RASAL2: variants seen among roughly 807,000 people sequenced by gnomAD.
RASAL2 encodes ras GTPase-activating protein nGAP.
RASAL2 carries 58 observed loss-of-function variants against 128.9 expected under a neutral mutation model. The observed-to-expected ratio is 0.45, with a 90% confidence interval of 0.36 to 0.56. RASAL2 has a LOEUF of 0.56. RASAL2 is among the 20% of genes least tolerant of loss of function. The probability of loss-of-function intolerance (pLI) is 0.00; values close to 1 mark genes in which losing one functional copy is unlikely to be tolerated. For synonymous variants in RASAL2, 561 were observed against 580.8 expected (o/e 0.97, Z 0.49); for missense variants, 1,360 against 1,601.6 (o/e 0.85, Z 2.57).
chr1:178,187,925 C>CT (rs1287934938), intron 1 of RASAL2, among the ~76,000 whole-genome samples: 8 of 151,760 alleles, frequency 5.3e-5, no homozygotes, highest in Non-Finnish European at 8.8e-5. Flanking sequence ...CCAAAGTATG[C>CT]TTTTTTTTCT....
intron 1 of RASAL2, among the ~76,000 whole-genome samples, chr1:178,172,088 T>C (rs1023890862): frequency 1.2e-4 from 19 of 152,020 alleles, no homozygotes; most frequent in African/African-American, 4.3e-4. Context: ...GAAACTGTTA[T>C]TGACTGTTAC....
intron 9 of RASAL2, among the ~76,000 whole-genome samples, chr1:178,449,380 T>A (rs1380469589): frequency 6.6e-6 from 1 of 152,154 alleles, no homozygotes; most frequent in Non-Finnish European, 1.5e-5. Flanking sequence ...TTTCCACTTG[T>A]AGCAGTGGAG....
chr1:178,178,186 G>A (rs1000051291), intron 1 of RASAL2, among the ~76,000 whole-genome samples: 2 of 152,072 alleles, frequency 1.3e-5, no homozygotes, highest in South Asian at 4.1e-4. Context: ...CAGCATCAGA[G>A]GATATGAGGG....
chr1:178,443,259 G>T (rs1399760516), intron 8 of RASAL2, 30 bp downstream of exon 8: 7 of 1,534,876 alleles, frequency 4.6e-6, no homozygotes, highest in Non-Finnish European at 6.2e-6. Flanking sequence ...TGCAGTACCT[G>T]AAGTCTCTTC....
chr1:178,323,871 T>C (rs564893296), intron 3 of RASAL2, among the ~76,000 whole-genome samples: 1 of 152,324 alleles, frequency 6.6e-6, no homozygotes, highest in African/African-American at 2.4e-5. Flanking sequence ...TTAATTAGTA[T>C]ATAAAAACCA....
chr1:178,258,974 ATTATG>A (rs1291169250), intron 1 of RASAL2, among the ~76,000 whole-genome samples: 2 of 152,192 alleles, frequency 1.3e-5, no homozygotes, highest in East Asian at 1.9e-4. Context: ...TCTTGATTAT[ATTATG>A]TTAAGTGAAA....
At chr1:178,159,783 A>G (rs1411171092) in intron 1 of RASAL2, among the ~76,000 whole-genome samples, 3 of 151,854 alleles carry the variant, frequency 2.0e-5, no homozygotes, top group African/African-American at 7.3e-5. Context: ...AAAAAAGTTG[A>G]TTATCCCAGC....
At chr1:178,340,456 A>G (rs576248427) in intron 3 of RASAL2, among the ~76,000 whole-genome samples, 60 of 152,298 alleles carry the variant, frequency 3.9e-4, no homozygotes, top group African/African-American at 1.4e-3. Flanking sequence ...GGGAATATAG[A>G]AAAAAACCCT....
At chr1:178,194,486 A>G (rs530699268) in intron 1 of RASAL2, 3 of 178,656 alleles carry the variant, frequency 1.7e-5, no homozygotes, top group East Asian at 2.8e-4. Context: ...AGCTTGGTCA[A>G]TTTCCGGTAA....
At chr1:178,405,900 A>G (rs1312421703) in intron 4 of RASAL2, among the ~76,000 whole-genome samples, 2 of 152,218 alleles carry the variant, frequency 1.3e-5, no homozygotes, top group South Asian at 2.1e-4. Flanking sequence ...ATATAAGATA[A>G]TAACATTAGG....
At chr1:178,441,254 A>G (rs1454748073) in intron 6 of RASAL2, among the ~76,000 whole-genome samples, 3 of 152,196 alleles carry the variant, frequency 2.0e-5, no homozygotes, top group African/African-American at 4.8e-5. Flanking sequence ...TCTACTTTCA[A>G]TAAAATTGGA....
chr1:178,401,355 A>T (rs1673617128), intron 4 of RASAL2, among the ~76,000 whole-genome samples: 1 of 152,250 alleles, frequency 6.6e-6, no homozygotes, highest in Non-Finnish European at 1.5e-5. Flanking sequence ...TTTAGTGAGT[A>T]GGAAGAATTT....
At chr1:178,419,728 C>T (rs1227585902) in intron 4 of RASAL2, among the ~76,000 whole-genome samples, 1 of 152,096 alleles carries the variant, frequency 6.6e-6, no homozygotes, top group Non-Finnish European at 1.5e-5. Context: ...TCACTATTTG[C>T]CAGGTGCAGA....
intron 1 of RASAL2, among the ~76,000 whole-genome samples, chr1:178,112,420 T>A (rs1659360874): frequency 6.6e-6 from 1 of 151,788 alleles, no homozygotes; most frequent in Admixed American, 6.6e-5. Context: ...CGTGGTGGTG[T>A]GTGCCTGTAA....
At chr1:178,158,942 G>T (rs1402966988) in intron 1 of RASAL2, among the ~76,000 whole-genome samples, 1 of 152,114 alleles carries the variant, frequency 6.6e-6, no homozygotes, top group Non-Finnish European at 1.5e-5. Context: ...TGATAGAAAT[G>T]TTTCTTGATG....
intron 1 of RASAL2, among the ~76,000 whole-genome samples, chr1:178,279,728 A>G (rs1182753030): frequency 6.6e-6 from 1 of 152,202 alleles, no homozygotes; most frequent in Non-Finnish European, 1.5e-5. Context: ...CAGGGAAACA[A>G]CCAAGAGTAT....
At chr1:178,256,425 A>T (rs1483700197) in intron 1 of RASAL2, among the ~76,000 whole-genome samples, 1 of 152,214 alleles carries the variant, frequency 6.6e-6, no homozygotes, top group African/African-American at 2.4e-5. Context: ...CTTTCCTCCT[A>T]ATGTGAAAAA....
chr1:178,119,012 C>A (rs1012959176), intron 1 of RASAL2, among the ~76,000 whole-genome samples: 68 of 152,210 alleles, frequency 4.5e-4, no homozygotes, highest in African/African-American at 1.6e-3. Flanking sequence ...GGATTACAGG[C>A]ACCCGCCACC....
At chr1:178,226,627 G>A (rs1247638676) in intron 1 of RASAL2, among the ~76,000 whole-genome samples, 1 of 152,134 alleles carries the variant, frequency 6.6e-6, no homozygotes, top group African/African-American at 2.4e-5. Flanking sequence ...CCATTTGTCT[G>A]TAAGAATTAC....
Sources: allele counts gnomAD v4.1 joint callset (sites outside exome capture counted in the v4.1 genomes callset), GRCh38; gene constraint gnomAD v4.1.1; transcripts MANE v1.5; gene names NCBI Gene and HGNC (gene_info 2026-07-23, HGNC 2026-07-21).